OPA3: variants seen among roughly 807,000 people sequenced by gnomAD.
OPA3 encodes the protein optic atrophy 3 protein.
OPA3 carries 6 observed loss-of-function variants against 4.0 expected under a neutral mutation model. The ratio of observed to expected loss-of-function variants is 1.51; its 90% CI spans 0.83 to 2.99. The LOEUF is 2.99. Ranked by LOEUF, OPA3 falls within the 30% of genes most tolerant of loss-of-function variation. The probability of loss-of-function intolerance (pLI) is 0.00; values close to 1 mark genes in which losing one functional copy is unlikely to be tolerated. For synonymous variants in OPA3, 105 were observed against 117.1 expected, an observed-to-expected ratio of 0.90 and a Z score of 0.67; for missense variants, 235 against 256.2, an observed-to-expected ratio of 0.92 and a Z score of 0.56.
In OPA3 at chr19:45,550,169, AG is replaced by A; in HGVS notation, c.*3344del. 5 of 978,104 alleles carry A rather than the reference AG, an allele frequency of 5.1e-6. No individual in the cohort carries two copies. Among genetic ancestry groups the A allele is most frequent in the Non-Finnish European group, 6.1e-6 (5 of 823,300 alleles). 60.6% of individuals were successfully genotyped at this position (978,104 alleles called of 1,614,324 possible). A position where few individuals can be genotyped will look rare whatever the true frequency, so the allele number is the denominator to read the frequency against. Reference sequence around the variant, plus strand: ...TAGACTGTCTCCGAAAGAAAAGAAAAGAAAAAAGAAGAGAAAAGAAGAAAAG... The same window carrying A: ...TAGACTGTCTCCGAAAGAAAAGAAAAAAAAAAGAAGAGAAAAGAAGAAAAG... On this transcript the variant is annotated 3_prime_UTR_variant, in exon 2 of 2. Transcript: ENST00000263275.
At chr19:45,570,325 T>C (rs528418516) in intron 1 of OPA3, among the ~76,000 whole-genome samples, 32 of 152,274 alleles carry the variant, frequency 2.1e-4, no homozygotes, top group African/African-American at 7.5e-4. Context: ...AATGACACAC[T>C]TCTTCCATCT....
At chr19:45,546,022 TA>T (rs1969244707), downstream of OPA3, among the ~76,000 whole-genome samples, 2 of 151,940 alleles carry the variant, frequency 1.3e-5, no homozygotes, top group Admixed American at 1.3e-4. Flanking sequence ...CTTTAAGAAA[TA>T]AAATAACGGA....
At chr19:45,581,021 G>A (rs1362403615) in intron 1 of OPA3, among the ~76,000 whole-genome samples, 9 of 152,128 alleles carry the variant, frequency 5.9e-5, no homozygotes, top group South Asian at 2.1e-4. Context: ...CCAAAGTTTC[G>A]CCTCTGGCAC....
chr19:45,535,369 CTTTTTTTT>C (rs57680613), intron 1 of OPA3, among the ~76,000 whole-genome samples: 1 of 118,862 alleles, frequency 8.4e-6, no homozygotes, highest in Admixed American at 8.6e-5. Context: ...TAAATTATTA[CTTTTTTTT>C]TTTTTTTTTT....
intron 1 of OPA3, among the ~76,000 whole-genome samples, chr19:45,566,506 C>G (rs1242957004): frequency 6.6e-6 from 1 of 151,062 alleles, no homozygotes; most frequent in Admixed American, 6.6e-5. Context: ...GAGTCTCGCT[C>G]TGTCGCCCAG....
At position 45,584,741 on chromosome 19, in the gene OPA3, C is replaced by T. The variant is rs1969908021; in HGVS notation, c.24G>A (p.Met8Ile). The T allele has an allele frequency of 1.2e-6, 2 of 1,614,122 alleles. No individual in the cohort carries two copies. Among genetic ancestry groups the T allele is most frequent in the African/African-American group, 1.3e-5 (1 of 75,064 alleles). Residue 8 changes from methionine (M) to isoleucine (I), a missense_variant, in exon 1 of 2, where the codon ATG (methionine) becomes ATA (isoleucine). Transcript: ENST00000263275. Reference sequence around the variant, plus strand: ...GGATGCCCAAGTATAGCAGCTTCGCCATAGGGAACGCGCCCACCACCATCT... The same window carrying T: ...GGATGCCCAAGTATAGCAGCTTCGCTATAGGGAACGCGCCCACCACCATCT... MVVGAFP[M>I]AKLLYLGIRQ...
intron 1 of OPA3, among the ~76,000 whole-genome samples, chr19:45,554,508 AC>A (rs1415670597): frequency 6.6e-6 from 1 of 152,196 alleles, no homozygotes; most frequent in Non-Finnish European, 1.5e-5. Flanking sequence ...TTGGGCACAT[AC>A]CTTGGTGGGA....
chr19:45,552,064 T>A lies in OPA3; in HGVS notation c.*1450A>T, dbSNP rs958446193. The A allele has an allele frequency of 1.0e-6, 1 of 985,294 alleles. No individual in the cohort carries two copies. Among genetic ancestry groups the A allele is most frequent in the African/African-American group, 1.7e-5 (1 of 57,188 alleles). The allele number at this position is 985,294 out of a possible 1,614,324, so 61.0% of individuals were successfully genotyped here. On this transcript the variant is annotated 3_prime_UTR_variant, in exon 2 of 2. Transcript: ENST00000263275. ...AATTTCCCACCACGGAAAGGGGGGTTGGAGGACATTCACAGAAAAGATCCT... is the reference window on the plus strand; with the variant it reads ...AATTTCCCACCACGGAAAGGGGGGTAGGAGGACATTCACAGAAAAGATCCT...
chr19:45,558,788 G>A (rs1383209751), intron 1 of OPA3, among the ~76,000 whole-genome samples: 1 of 151,528 alleles, frequency 6.6e-6, no homozygotes, highest in East Asian at 1.9e-4. Context: ...GCAGTGGCAT[G>A]ATCTCCGCTC....
rs369545089 is a variant in OPA3, at chr19:45,553,781, G to C, written c.273C>G (p.Ile91Met). The part of the protein sequence containing the change: ...AELLGEATIF[I>M]VGGGCLVLEY... ...CCAGCACTAGGCAGCCGCCGCCCAC[G>C]ATGAAGATGGTGGCTTCGCCCAGCA... The change falls in exon 2 of 2, where the codon ATC becomes ATG. Residue 91 changes from isoleucine (I) to methionine (M), a missense_variant. Transcript: ENST00000263275. 13 of 1,613,050 alleles carry C rather than the reference G, an allele frequency of 8.1e-6. No homozygotes were observed. The highest frequency in any genetic ancestry group is 1.1e-5 in the South Asian group (1 of 91,078).
At position 45,582,742 on chromosome 19, in the gene OPA3, G is replaced by T. The variant is rs576598519; in HGVS notation, c.142+1881C>A. 5.3e-5 allele frequency among the ~76,000 whole-genome samples: 8 copies of T among 152,124 alleles called. No homozygotes were observed. In the South Asian group the frequency reaches 1.7e-3, roughly 32 times the overall value. On this transcript the variant is annotated intron_variant, in intron 1 of 1. Coordinates refer to ENST00000263275, the MANE Select transcript of OPA3 (RefSeq NM_025136.4). ...AGGCCAGCTGATCCATCAAGTGCAG[G>T]GTCTGTGAAATATCTCAAGCACTGA...
At chr19:45,577,724 A>C (rs1450050671) in intron 1 of OPA3, among the ~76,000 whole-genome samples, 1 of 152,128 alleles carries the variant, frequency 6.6e-6, no homozygotes, top group Non-Finnish European at 1.5e-5. Context: ...GAACAAATAG[A>C]CCTCAGGAGT....
At position 45,555,421 on chromosome 19, in the gene OPA3, G is replaced by A. The variant is rs565151325; in HGVS notation, c.143-1510C>T. Among the ~76,000 whole-genome samples the A allele has an allele frequency of 4.0e-5, 6 of 151,004 alleles. No individual in the cohort carries two copies. The East Asian group carries it at 1.2e-3, about 30-fold the overall frequency. On this transcript the variant is annotated intron_variant, in intron 1 of 1. Transcript: ENST00000263275. ...CGCAATCATGGCTCACTGCAGCCTC[G>A]ACCTTCCAGGCTCAAATGATCCTCC...
chr19:45,543,470 G>A (rs1054913700), downstream of OPA3, among the ~76,000 whole-genome samples: 2 of 151,710 alleles, frequency 1.3e-5, no homozygotes, highest in Non-Finnish European at 2.9e-5. Context: ...ACAGGCACAC[G>A]CCACCACGCC....
In OPA3 at chr19:45,552,040, A is replaced by C; in HGVS notation, c.*1474T>G. 1 of 985,504 alleles carries C rather than the reference A, an allele frequency of 1.0e-6. No individual in the cohort carries two copies. Among genetic ancestry groups the C allele is most frequent in the Non-Finnish European group, 1.2e-6 (1 of 830,074 alleles). 61.0% of individuals were successfully genotyped at this position (985,504 alleles called of 1,614,324 possible). A position where few individuals can be genotyped will look rare whatever the true frequency, so the allele number is the denominator to read the frequency against. ...CTGGATTAGCCCTAGTTAGGATCAA[A>C]TTTCCCACCACGGAAAGGGGGGTTG... On this transcript the variant is annotated 3_prime_UTR_variant, in exon 2 of 2. Coordinates refer to ENST00000263275, the MANE Select transcript of OPA3 (RefSeq NM_025136.4).
chr19:45,575,487 C>T (rs1326494770), intron 1 of OPA3, among the ~76,000 whole-genome samples: 2 of 152,102 alleles, frequency 1.3e-5, no homozygotes, highest in Non-Finnish European at 2.9e-5. Flanking sequence ...ATAAGAATGG[C>T]CACAGAGCTG....
chr19:45,568,787 T>C (rs1373341385), intron 1 of OPA3, among the ~76,000 whole-genome samples: 1 of 151,788 alleles, frequency 6.6e-6, no homozygotes, highest in African/African-American at 2.4e-5. Context: ...ACAGAGACGG[T>C]GCTGGGATGG....
At chr19:45,576,910 T>C (rs1048037072) in intron 1 of OPA3, among the ~76,000 whole-genome samples, 1 of 152,188 alleles carries the variant, frequency 6.6e-6, no homozygotes, top group East Asian at 1.9e-4. Context: ...GATAAGGATG[T>C]GGACATCTTT....
intron 1 of OPA3, among the ~76,000 whole-genome samples, chr19:45,532,270 T>C (rs1190714980): frequency 6.6e-6 from 1 of 152,182 alleles, no homozygotes; most frequent in African/African-American, 2.4e-5. Flanking sequence ...AAATTGGCAC[T>C]TGGAACTCTC....
Sources: allele counts gnomAD v4.1 joint callset (sites outside exome capture counted in the v4.1 genomes callset), GRCh38; gene constraint gnomAD v4.1.1; transcripts MANE v1.5; gene names NCBI Gene and HGNC (gene_info 2026-07-23, HGNC 2026-07-21).